Variants in HECW1 observed in about 807,000 individuals in gnomAD.
HECW1 encodes the protein E3 ubiquitin-protein ligase HECW1.
Under a neutral mutation model 182.3 loss-of-function variants are expected in HECW1, and 61 were observed. That is an observed-to-expected ratio of 0.33 (90% CI 0.27 to 0.41). The LOEUF is 0.41. HECW1 is among the 10% of genes least tolerant of loss of function. The probability of loss-of-function intolerance (pLI) is 1.00; values close to 1 mark genes in which losing one functional copy is unlikely to be tolerated. For synonymous variants in HECW1, 859 were observed against 832.6 expected, an observed-to-expected ratio of 1.03 and a Z score of -0.55; for missense variants, 1,739 against 2,108.9, an observed-to-expected ratio of 0.82 and a Z score of 3.44.
intron 2 of HECW1, among the ~76,000 whole-genome samples, chr7:43,181,680 A>G (rs1489478848): frequency 6.6e-6 from 1 of 150,826 alleles, no homozygotes; most frequent in Non-Finnish European, 1.5e-5. Flanking sequence ...AAATTGAATT[A>G]TTTGGGTTCT....
At chr7:43,136,411 G>A (rs1787542950) in intron 2 of HECW1, among the ~76,000 whole-genome samples, 1 of 152,180 alleles carries the variant, frequency 6.6e-6, no homozygotes, top group South Asian at 2.1e-4. Flanking sequence ...TCCCAAAGGG[G>A]GCCAATTCCA....
chr7:43,490,867 C>G (rs562978798), intron 17 of HECW1, among the ~76,000 whole-genome samples: 1 of 152,120 alleles, frequency 6.6e-6, no homozygotes, highest in African/African-American at 2.4e-5. Flanking sequence ...AAGGGATTCT[C>G]GTGCCTCAGC....
intron 16 of HECW1, among the ~76,000 whole-genome samples, 172 bp downstream of exon 16, chr7:43,469,277 G>A (rs1219966176): frequency 1.3e-5 from 2 of 152,192 alleles, no homozygotes; most frequent in Non-Finnish European, 2.9e-5. Flanking sequence ...CTCAACCTCA[G>A]CACTACTCTG....
chr7:43,175,282 C>T (rs1304822278), intron 2 of HECW1, among the ~76,000 whole-genome samples: 2 of 152,124 alleles, frequency 1.3e-5, no homozygotes, highest in Non-Finnish European at 2.9e-5. Flanking sequence ...CATTCAGAAT[C>T]CACTCTCAGC....
At chr7:43,412,378 C>G (rs908334569) in intron 8 of HECW1, among the ~76,000 whole-genome samples, 2 of 151,712 alleles carry the variant, frequency 1.3e-5, no homozygotes, top group African/African-American at 4.8e-5. Flanking sequence ...AAAATATAGT[C>G]CTTAATGCCT....
intron 21 of HECW1, among the ~76,000 whole-genome samples, chr7:43,505,051 C>T (rs576891142): frequency 5.9e-5 from 9 of 152,150 alleles, no homozygotes; most frequent in Non-Finnish European, 8.8e-5. Context: ...CCAGACATCT[C>T]ATCTACTTCC....
At chr7:43,559,415 G>A (rs751442100) in intron 29 of HECW1, among the ~76,000 whole-genome samples, 3 of 152,150 alleles carry the variant, frequency 2.0e-5, no homozygotes, top group Non-Finnish European at 4.4e-5. Context: ...GTATGACACG[G>A]TTCCCCAAAT....
rs116410508 is a variant in HECW1, at chr7:43,548,343, A to G, written c.4249-2102A>G. Among the ~76,000 whole-genome samples, 996 of 152,238 alleles carry G rather than the reference A, an allele frequency of 6.5e-3. 10 individuals are homozygous for G. The highest frequency in any genetic ancestry group is 0.023 in the African/African-American group (954 of 41,504). Reference sequence around the variant, plus strand: ...TTGTAAGTCTCCAAAAAAATTCCCAATATATTTATTGAAAAAAATCCATGT... The same window carrying G: ...TTGTAAGTCTCCAAAAAAATTCCCAGTATATTTATTGAAAAAAATCCATGT... On this transcript the variant is annotated intron_variant, in intron 26 of 29. Coordinates refer to ENST00000395891, the MANE Select transcript of HECW1 (RefSeq NM_015052.5).
chr7:43,318,938 A>G (rs143426533), intron 4 of HECW1, among the ~76,000 whole-genome samples: 1 of 152,360 alleles, frequency 6.6e-6, no homozygotes, highest in East Asian at 1.9e-4. Context: ...AGTGGAAACT[A>G]CAAGGGCTCC....
In HECW1 at chr7:43,562,230, G is replaced by T; in HGVS notation, c.*304G>T. 3.6e-6 allele frequency: 1 copy of T among 280,830 alleles called. No homozygotes were observed. The highest frequency in any genetic ancestry group is 5.2e-5 in the Admixed American group (1 of 19,236). 17.4% of individuals were successfully genotyped at this position (280,830 alleles called of 1,614,324 possible). On this transcript the variant is annotated 3_prime_UTR_variant, in exon 30 of 30. Coordinates refer to ENST00000395891, the MANE Select transcript of HECW1 (RefSeq NM_015052.5). Reference sequence around the variant, plus strand: ...CCATTACTAACAATGAAATATGAATGCAAGTTAAGCTACACTTGACCAAAT... The same window carrying T: ...CCATTACTAACAATGAAATATGAATTCAAGTTAAGCTACACTTGACCAAAT...
At chr7:43,291,287 C>T (rs1805374430) in intron 3 of HECW1, among the ~76,000 whole-genome samples, 1 of 152,232 alleles carries the variant, frequency 6.6e-6, no homozygotes, top group African/African-American at 2.4e-5. Flanking sequence ...ATCCTTACTG[C>T]TGTGTCTTGC....
intron 19 of HECW1, among the ~76,000 whole-genome samples, chr7:43,499,581 A>G (rs2079256854): frequency 1.3e-5 from 2 of 152,168 alleles, no homozygotes; most frequent in Admixed American, 6.5e-5. Context: ...TTTATTTCTT[A>G]TAATTACACA....
At chr7:43,358,477 T>A (rs1815438521) in intron 5 of HECW1, among the ~76,000 whole-genome samples, 1 of 152,098 alleles carries the variant, frequency 6.6e-6, no homozygotes, top group African/African-American at 2.4e-5. Context: ...AAACTCAAAG[T>A]ACAGGCATAT....
chr7:43,524,764 G>A (rs2080692377), intron 24 of HECW1, among the ~76,000 whole-genome samples: 1 of 152,152 alleles, frequency 6.6e-6, no homozygotes, highest in African/African-American at 2.4e-5. Flanking sequence ...CAGGTTTGGG[G>A]CTATTGTTTC....
At chr7:43,406,386 G>C (rs1303290815) in intron 7 of HECW1, among the ~76,000 whole-genome samples, 1 of 152,192 alleles carries the variant, frequency 6.6e-6, no homozygotes, top group Non-Finnish European at 1.5e-5. Flanking sequence ...TCATGCCAGA[G>C]AGTAGGAATA....
At chr7:43,457,409 T>G (rs976638753) in intron 13 of HECW1, among the ~76,000 whole-genome samples, 2 of 152,270 alleles carry the variant, frequency 1.3e-5, no homozygotes, top group Middle Eastern at 6.8e-3. Context: ...CACCTACTGA[T>G]AGCAAATGCC....
At chr7:43,376,727 G>A (rs1040534625) in intron 6 of HECW1, among the ~76,000 whole-genome samples, 5 of 152,000 alleles carry the variant, frequency 3.3e-5, no homozygotes, top group South Asian at 2.1e-4. Flanking sequence ...TTAGCTGGGC[G>A]TGGTGGCAGG....
intron 3 of HECW1, among the ~76,000 whole-genome samples, chr7:43,264,824 A>G (rs896718171): frequency 2.7e-5 from 4 of 146,682 alleles, no homozygotes; most frequent in African/African-American, 1.0e-4. Flanking sequence ...AGCCCGGGCG[A>G]CAGAGTGAGA....
intron 26 of HECW1, among the ~76,000 whole-genome samples, chr7:43,545,549 A>T (rs13243945): frequency 6.6e-6 from 1 of 152,138 alleles, no homozygotes; most frequent in South Asian, 2.1e-4. Flanking sequence ...TGATTTTCCA[A>T]AAACTTAACT....
Sources: gnomAD v4.1 joint callset for allele counts (sites outside exome capture counted in the v4.1 genomes callset) on GRCh38, gnomAD v4.1.1 for gene constraint, MANE v1.5 for transcripts, NCBI Gene and HGNC (gene_info 2026-07-23, HGNC 2026-07-21) for gene names.